Variants in CCDC85C observed in about 807,000 individuals in gnomAD.
CCDC85C encodes the protein coiled-coil domain containing 85C, also known as coiled-coil domain-containing protein 85C.
A neutral mutation model predicts 38.3 loss-of-function variants in CCDC85C; 18 were observed. The observed-to-expected ratio is 0.47, with a 90% confidence interval of 0.33 to 0.70. The LOEUF (loss-of-function observed/expected upper bound fraction) is 0.70, where lower values mean the gene tolerates loss of function less well. Among genes scored for constraint, CCDC85C ranks in the 30% least tolerant of loss-of-function variants. The probability of loss-of-function intolerance (pLI) is 0.03; values close to 1 mark genes in which losing one functional copy is unlikely to be tolerated. For synonymous variants in CCDC85C, 264 were observed against 293.8 expected (o/e 0.90, Z 1.04); for missense variants, 566 against 621.2 (o/e 0.91, Z 0.94).
At chr14:99,567,385 G>A (rs575228969) in intron 1 of CCDC85C, among the ~76,000 whole-genome samples, 2 of 152,332 alleles carry the variant, frequency 1.3e-5, no homozygotes, top group South Asian at 2.1e-4. Flanking sequence ...AGTTGGGGGC[G>A]TGACAACCAG....
chr14:99,599,762 C>T (rs1595111725), intron 1 of CCDC85C, among the ~76,000 whole-genome samples: 2 of 152,294 alleles, frequency 1.3e-5, no homozygotes, highest in South Asian at 2.1e-4. Context: ...TGGTAGCACA[C>T]ATCCCAGGAG....
intron 1 of CCDC85C, among the ~76,000 whole-genome samples, chr14:99,537,865 G>A (rs1351638133): frequency 6.6e-6 from 1 of 152,148 alleles, no homozygotes; most frequent in African/African-American, 2.4e-5. Context: ...GGGTGTGCTG[G>A]GTCCCTCTGA....
rs1305260532 is a variant in CCDC85C, at chr14:99,604,066, C to A, written c.-107G>T. 2 of 968,388 alleles carry A rather than the reference C, an allele frequency of 2.1e-6. No homozygotes were observed. The highest frequency in any genetic ancestry group is 2.4e-6 in the Non-Finnish European group (2 of 819,710). The allele number at this position is 968,388 out of a possible 1,614,324, so 60.0% of individuals were successfully genotyped here. ...CGCGCGGGCGGGGGGCGGCCGGGGG[C>A]GCGTGCGGCCCGCCCCGCGCCGCCT... On this transcript the variant is annotated 5_prime_UTR_variant, in exon 1 of 6. Coordinates refer to ENST00000380243, the MANE Select transcript of CCDC85C (RefSeq NM_001144995.2).
chr14:99,577,194 G>A lies in CCDC85C; in HGVS notation c.793+25973C>T, dbSNP rs191790457. Reference sequence around the variant, plus strand: ...CCCCTTCCCAGGCAGCCCTGCCCACGGTGCTTAATAAACACACACTGAATA... The same window carrying A: ...CCCCTTCCCAGGCAGCCCTGCCCACAGTGCTTAATAAACACACACTGAATA... On this transcript the variant is annotated intron_variant, in intron 1 of 5. Transcript: ENST00000380243. Among the ~76,000 whole-genome samples, 878 of 151,892 alleles carry A rather than the reference G, an allele frequency of 5.8e-3. 9 individuals carry two copies. Among genetic ancestry groups the A allele is most frequent in the Non-Finnish European group, 0.01 (706 of 67,892 alleles).
chr14:99,581,866 T>G (rs1368636262), intron 1 of CCDC85C, among the ~76,000 whole-genome samples: 1 of 152,178 alleles, frequency 6.6e-6, no homozygotes, highest in African/African-American at 2.4e-5. Context: ...TCTTAACAAC[T>G]AAAACCTGCG....
Position 99,535,665 on chromosome 14 carries a change from G to C in CCDC85C, c.867+350C>G, listed in dbSNP as rs934663135. 5.9e-5 allele frequency among the ~76,000 whole-genome samples: 9 copies of C among 152,012 alleles called. No homozygotes were observed. The highest frequency in any genetic ancestry group is 1.0e-4 in the Non-Finnish European group (7 of 68,016). On this transcript the variant is annotated intron_variant, in intron 2 of 5. Transcript: ENST00000380243. This position sits in a 1 kb window ranked among gnomAD's most constrained non-coding sequence, Gnocchi z 5.5. The stretch of plus-strand genomic sequence containing the variant: ...GTGAGTCCAGCACGGCAGAGGCGGG[G>C]AGGCTTCCGTGTGAGTCTGCCCCAT...
chr14:99,510,184 T>C lies in CCDC85C; in HGVS notation c.*5062A>G, dbSNP rs1307853777. 1 of 1,599,254 alleles carries C rather than the reference T, an allele frequency of 6.3e-7. No homozygotes were observed. The highest frequency in any genetic ancestry group is 1.7e-5 in the Admixed American group (1 of 58,986). ...CGGAAGCCTCCCCTCGCTGCTGCCT[T>C]AGGTGAGGCTGAGCCGCCGGGCCCT... On this transcript the variant is annotated 3_prime_UTR_variant, in exon 6 of 6. Transcript: ENST00000380243.
chr14:99,537,397 ACCATG>A (rs1231980330), intron 1 of CCDC85C, among the ~76,000 whole-genome samples: 3 of 152,192 alleles, frequency 2.0e-5, no homozygotes, highest in Non-Finnish European at 4.4e-5. Flanking sequence ...AGCCAGGACC[ACCATG>A]CCAACCACAG....
chr14:99,565,276 C>G (rs1595089129), intron 1 of CCDC85C, among the ~76,000 whole-genome samples: 1 of 152,216 alleles, frequency 6.6e-6, no homozygotes, highest in South Asian at 2.1e-4. Flanking sequence ...TCCTCCACCA[C>G]CCCTGCGGGG....
Position 99,516,402 on chromosome 14 carries a change from C to A in CCDC85C, c.1072-116G>T. On this transcript the variant is annotated intron_variant, in intron 4 of 5. Coordinates refer to ENST00000380243, the MANE Select transcript of CCDC85C (RefSeq NM_001144995.2). This position sits in a 1 kb window ranked among gnomAD's most constrained non-coding sequence, Gnocchi z 5.5. ...GCGAACCAAAGCTGAGGACCCTGAG[C>A]CGCTGGGCCCCTGGGGACAAGCGTG... is the stretch of plus-strand genomic sequence containing the variant. The A allele has an allele frequency of 1.4e-6, 1 of 719,148 alleles. No individual in the cohort carries two copies. The highest frequency in any genetic ancestry group is 1.7e-5 in the South Asian group (1 of 59,636). The allele number at this position is 719,148 out of a possible 1,614,324, so 44.5% of individuals were successfully genotyped here. A position where few individuals can be genotyped will look rare whatever the true frequency, so the allele number is the denominator to read the frequency against.
At chr14:99,568,644 G>C (rs1898272084) in intron 1 of CCDC85C, among the ~76,000 whole-genome samples, 1 of 152,232 alleles carries the variant, frequency 6.6e-6, no homozygotes, top group Non-Finnish European at 1.5e-5. Context: ...GGGGGCGACA[G>C]GGTGAAACCC....
intron 1 of CCDC85C, among the ~76,000 whole-genome samples, chr14:99,579,166 T>G (rs1251504020): frequency 6.6e-6 from 1 of 152,264 alleles, no homozygotes; most frequent in Non-Finnish European, 1.5e-5. Flanking sequence ...CACAGTCCCC[T>G]GGGCTCCTGA....
chr14:99,583,560 A>G (rs2054996340), intron 1 of CCDC85C, among the ~76,000 whole-genome samples: 1 of 151,568 alleles, frequency 6.6e-6, no homozygotes, highest in Admixed American at 6.6e-5. Context: ...TTATCCCAGC[A>G]CTTTGGGAGG....
In CCDC85C at chr14:99,503,982, C is replaced by A; in HGVS notation, c.*11264G>T. On this transcript the variant is annotated 3_prime_UTR_variant, in exon 6 of 6. Coordinates refer to ENST00000380243, the MANE Select transcript of CCDC85C (RefSeq NM_001144995.2). ...CCATCACAGCAGCAGGAGTCCTCTC[C>A]CAAGCACCAAGCCACAGCAGATGCG... 1 of 362,492 alleles carries A rather than the reference C, an allele frequency of 2.8e-6. No individual in the cohort carries two copies. The highest frequency in any genetic ancestry group is 7.5e-5 in the East Asian group (1 of 13,328). 22.5% of individuals were successfully genotyped at this position (362,492 alleles called of 1,614,324 possible).
In CCDC85C at chr14:99,544,296, G is replaced by C. The variant is rs922897665; in HGVS notation, c.794-8208C>G. The stretch of plus-strand genomic sequence containing the variant: ...AACTCGCAGCTTCCACACCAACCCC[G>C]GGGTTCTGGCGCACTGACCCTGGGC... On this transcript the variant is annotated intron_variant, in intron 1 of 5. Transcript: ENST00000380243. This position sits in a 1 kb window ranked among gnomAD's most constrained non-coding sequence, Gnocchi z 5.3. 6.6e-6 allele frequency among the ~76,000 whole-genome samples: 1 copy of C among 152,012 alleles called. No homozygotes were observed. The highest frequency in any genetic ancestry group is 1.5e-5 in the Non-Finnish European group (1 of 68,010).
At position 99,503,468 on chromosome 14, in the gene CCDC85C, G is replaced by C; in HGVS notation, c.*11778C>G. On this transcript the variant is annotated 3_prime_UTR_variant, in exon 6 of 6. Coordinates refer to ENST00000380243, the MANE Select transcript of CCDC85C (RefSeq NM_001144995.2). ...TCTGGTAGGTGCCGTGGTTTGCCCT[G>C]AAAGTTCAGGCTAGAAATAATTTTT... is the stretch of plus-strand genomic sequence containing the variant. 3 of 670,278 alleles carry C rather than the reference G, an allele frequency of 4.5e-6. No homozygotes were observed. The highest frequency in any genetic ancestry group is 7.8e-6 in the Non-Finnish European group (3 of 385,002). 41.5% of individuals were successfully genotyped at this position (670,278 alleles called of 1,614,324 possible). A position where few individuals can be genotyped will look rare whatever the true frequency, so the allele number is the denominator to read the frequency against.
At chr14:99,555,174 C>T (rs1239684657) in intron 1 of CCDC85C, among the ~76,000 whole-genome samples, 6 of 152,324 alleles carry the variant, frequency 3.9e-5, no homozygotes, top group East Asian at 1.9e-4. Flanking sequence ...TGTGTAATCA[C>T]GCCCACAGGT....
intron 3 of CCDC85C, among the ~76,000 whole-genome samples, chr14:99,521,507 A>T (rs1336904355): frequency 6.6e-6 from 1 of 152,114 alleles, no homozygotes; most frequent in Non-Finnish European, 1.5e-5. Flanking sequence ...CAGGTGCCGC[A>T]ACGAGAACAG....
Position 99,514,570 on chromosome 14 carries a change from CTG to C in CCDC85C, c.*674_*675del, listed in dbSNP as rs1897190083. The C allele has an allele frequency of 6.6e-6, 1 of 151,890 alleles. No homozygotes were observed. Among genetic ancestry groups the C allele is most frequent in the African/African-American group, 2.4e-5 (1 of 41,200 alleles). The allele number at this position is 151,890 out of a possible 1,614,324, so 9.4% of individuals were successfully genotyped here. A position where few individuals can be genotyped will look rare whatever the true frequency, so the allele number is the denominator to read the frequency against. On this transcript the variant is annotated 3_prime_UTR_variant, in exon 6 of 6. Coordinates refer to ENST00000380243, the MANE Select transcript of CCDC85C (RefSeq NM_001144995.2). ...GGGTGGCAGGGGGACATTGCAGAGACTGGGGGGGAGGGGGATGACCTCCAAAA... is the reference window on the plus strand; with the variant it reads ...GGGTGGCAGGGGGACATTGCAGAGACGGGGGGAGGGGGATGACCTCCAAAA...
Sources: allele counts gnomAD v4.1 joint callset (sites outside exome capture counted in the v4.1 genomes callset), GRCh38; gene constraint gnomAD v4.1.1; non-coding constraint Gnocchi (gnomAD v3.1); transcripts MANE v1.5; gene names NCBI Gene and HGNC (gene_info 2026-07-23, HGNC 2026-07-21).